The following SPEF2 variants were observed in gnomAD, a reference collection of about 807,000 sequenced individuals.
SPEF2 encodes the protein sperm flagella and cilia-associated protein 2.
In SPEF2, 187 loss-of-function variants were observed where a neutral mutation model predicts 224.6. That is an observed-to-expected ratio of 0.83 (90% CI 0.74 to 0.94). The LOEUF (loss-of-function observed/expected upper bound fraction) is 0.94. Among genes scored for constraint, SPEF2 ranks in the 40% least tolerant of loss-of-function variants. SPEF2 has a pLI of 0.00. For synonymous variants in SPEF2, 715 were observed against 707.3 expected, an observed-to-expected ratio of 1.01 and a Z score of -0.17; for missense variants, 2,170 against 2,135.6, an observed-to-expected ratio of 1.02 and a Z score of -0.32.
At chr5:35,732,399 G>C (rs7719577) in intron 21 of SPEF2, among the ~76,000 whole-genome samples, 5,693 of 152,162 alleles carry the variant, frequency 0.037, 283 homozygotes, top group African/African-American at 0.11. Context: ...GCACCACTAT[G>C]GATATCACTT....
At chr5:35,672,254 C>CATTATAT in intron 10 of SPEF2, among the ~76,000 whole-genome samples, 2 of 56,892 alleles carry the variant, frequency 3.5e-5, no homozygotes, top group Non-Finnish European at 3.4e-5. Context: ...TGTTATTGAA[C>CATTATAT]ATAATGTTCA....
Position 35,792,399 on chromosome 5 carries a change from G to T in SPEF2, c.4507G>T (p.Gly1503Cys). Reference protein sequence around the residue: ...ILIDLVTLNLGTNNFPSNWMH... With the variant: ...ILIDLVTLNLCTNNFPSNWMH... ...GATCGATTTGGTGACCCTGAACCTT[G>T]GCACAAACAACTTTCCTAGTAATTG... is the stretch of plus-strand genomic sequence containing the variant. Residue 1503 changes from glycine to cysteine, a missense_variant, in exon 31 of 37, where the codon GGC becomes TGC. Gly to Cys is a radical substitution (Grantham distance 159, BLOSUM62 -3). Coordinates refer to ENST00000356031, the MANE Select transcript of SPEF2 (RefSeq NM_024867.4). 1.2e-6 allele frequency: 2 copies of T among 1,613,718 alleles called. No individual in the cohort carries two copies. Among genetic ancestry groups the T allele is most frequent in the Non-Finnish European group, 1.7e-6 (2 of 1,179,788 alleles).
rs541227487 is a variant in SPEF2, at chr5:35,641,280, A to C, written c.162-151A>C. 10 of 815,762 alleles carry C rather than the reference A, an allele frequency of 1.2e-5. No individual in the cohort carries two copies. The South Asian group carries it at 1.9e-4, about 15-fold the overall frequency. The allele number at this position is 815,762 out of a possible 1,614,324, so 50.5% of individuals were successfully genotyped here. On this transcript the variant is annotated intron_variant, in intron 2 of 36. Transcript: ENST00000356031. ...ATGGTCAATAAAAAAATCTCAATGT[A>C]GTTACATTAGAGTGGTTTTAGAGAG...
intron 10 of SPEF2, among the ~76,000 whole-genome samples, chr5:35,689,052 C>A (rs187539640): frequency 2.0e-5 from 3 of 152,198 alleles, no homozygotes; most frequent in African/African-American, 7.2e-5. Flanking sequence ...TTTCTATCTT[C>A]TTCTGTACTC....
At chr5:35,745,619 C>G (rs1423439813) in intron 23 of SPEF2, among the ~76,000 whole-genome samples, 3 of 152,138 alleles carry the variant, frequency 2.0e-5, no homozygotes, top group Non-Finnish European at 4.4e-5. Context: ...GTGCATAACT[C>G]CAGTGACCTG....
At chr5:35,621,376 A>G (rs1189895996) in intron 1 of SPEF2, among the ~76,000 whole-genome samples, 2 of 137,462 alleles carry the variant, frequency 1.5e-5, no homozygotes, top group Non-Finnish European at 3.0e-5. Flanking sequence ...CTGGATGTTC[A>G]GGTGAGTCAG....
At chr5:35,640,473 AAAAC>A (rs1746471882) in intron 2 of SPEF2, among the ~76,000 whole-genome samples, 1 of 152,194 alleles carries the variant, frequency 6.6e-6, no homozygotes, top group Non-Finnish European at 1.5e-5. Flanking sequence ...CATATTCCTC[AAAAC>A]ATGGTCTGCT....
chr5:35,753,888 C>CAAAA, intron 24 of SPEF2, 127 bp downstream of exon 24: 1 of 1,125,198 alleles, frequency 8.9e-7, no homozygotes, highest in Non-Finnish European at 1.3e-6. Context: ...AGCACTATGC[C>CAAAA]TGGTATGAGC....
chr5:35,799,087 A>G (rs1008113275), intron 33 of SPEF2, among the ~76,000 whole-genome samples: 1 of 152,218 alleles, frequency 6.6e-6, no homozygotes, highest in African/African-American at 2.4e-5. Flanking sequence ...ATGAGCCAGA[A>G]CCAGCAACAT....
At chr5:35,644,187 T>A (rs1306648960) in intron 3 of SPEF2, among the ~76,000 whole-genome samples, 168 bp from the exon 4 acceptor site, 1 of 152,196 alleles carries the variant, frequency 6.6e-6, no homozygotes, top group African/African-American at 2.4e-5. Flanking sequence ...TAATTGTGCT[T>A]ACATCAATTA....
intron 36 of SPEF2, chr5:35,807,641 A>G: frequency 1.3e-6 from 2 of 1,535,742 alleles, no homozygotes; most frequent in Non-Finnish European, 1.7e-6. Context: ...CACGCAAGGT[A>G]CACATCATCT....
Position 35,793,304 on chromosome 5 carries a change from A to G in SPEF2, c.4700A>G (p.Glu1567Gly), listed in dbSNP as rs1293101435. 1 of 1,614,064 alleles carries G rather than the reference A, an allele frequency of 6.2e-7. No individual in the cohort carries two copies. Residue 1567 changes from glutamate (E) to glycine (G), a missense_variant, in exon 32 of 37, where the codon GAG (glutamate) becomes GGG (glycine). Coordinates refer to ENST00000356031, the MANE Select transcript of SPEF2 (RefSeq NM_024867.4). ...TLQKFKAVDK[E>G]QLGTITFEQY... is the part of the protein sequence containing the mutation. ...CAGAAGTTCAAGGCTGTGGATAAGG[A>G]GCAGTTGGGCACCATCACTTTTGAG...
chr5:35,684,506 C>T (rs139137140), intron 10 of SPEF2, among the ~76,000 whole-genome samples: 10 of 152,300 alleles, frequency 6.6e-5, no homozygotes, highest in South Asian at 4.1e-4. Flanking sequence ...GAGGTCTATT[C>T]GGATTTTTTG....
chr5:35,642,786 T>C (rs546471705), intron 3 of SPEF2, among the ~76,000 whole-genome samples: 1 of 152,332 alleles, frequency 6.6e-6, no homozygotes, highest in Non-Finnish European at 1.5e-5. Flanking sequence ...GAAGCAGCAA[T>C]GACGTAATAG....
intron 5 of SPEF2, among the ~76,000 whole-genome samples, chr5:35,647,302 T>G (rs1424826173): frequency 6.8e-6 from 1 of 146,850 alleles, no homozygotes; most frequent in African/African-American, 2.5e-5. Flanking sequence ...AGACATTACA[T>G]GGGGGGAGAG....
At chr5:35,711,257 C>A (rs1281304286) in intron 19 of SPEF2, among the ~76,000 whole-genome samples, 1 of 152,088 alleles carries the variant, frequency 6.6e-6, no homozygotes, top group Admixed American at 6.6e-5. Context: ...AGGCATAGTA[C>A]ATTGAATCCT....
At chr5:35,735,816 A>C (rs1746496498) in intron 21 of SPEF2, among the ~76,000 whole-genome samples, 1 of 152,254 alleles carries the variant, frequency 6.6e-6, no homozygotes, top group Non-Finnish European at 1.5e-5. Flanking sequence ...TGCACACAGC[A>C]ATGAAAGAAC....
intron 24 of SPEF2, among the ~76,000 whole-genome samples, chr5:35,754,207 A>C (rs1191470953): frequency 1.3e-5 from 2 of 152,238 alleles, no homozygotes; most frequent in Non-Finnish European, 2.9e-5. Flanking sequence ...AGAAAAACAG[A>C]CCATAATCAA....
At chr5:35,771,857 A>T in intron 27 of SPEF2, 101 bp downstream of exon 27, 1 of 1,366,678 alleles carries the variant, frequency 7.3e-7, no homozygotes, top group Non-Finnish European at 9.8e-7. Flanking sequence ...AAGCCACTAA[A>T]ATACTACTCA....
Sources: allele counts gnomAD v4.1 joint callset (sites outside exome capture counted in the v4.1 genomes callset), GRCh38; gene constraint gnomAD v4.1.1; transcripts MANE v1.5; gene names NCBI Gene and HGNC (gene_info 2026-07-23, HGNC 2026-07-21).